The following ZNF341 variants were observed in gnomAD, a reference collection of about 807,000 sequenced individuals.
ZNF341 encodes the protein zinc finger protein 341.
Under a neutral mutation model 87.7 loss-of-function variants are expected in ZNF341, and 52 were observed. The ratio of observed to expected loss-of-function variants is 0.59; its 90% CI spans 0.47 to 0.75. The LOEUF is 0.75. Among genes scored for constraint, ZNF341 ranks in the 30% least tolerant of loss-of-function variants. ZNF341 has a pLI of 0.00. For missense variants in ZNF341, 977 were observed against 1,145.9 expected (o/e 0.85, Z 2.13); for synonymous variants, 459 against 472.7 (o/e 0.97, Z 0.38).
intron 7 of ZNF341, among the ~76,000 whole-genome samples, chr20:33,761,316 G>A (rs2019284958): frequency 1.3e-5 from 2 of 152,146 alleles, no homozygotes; most frequent in African/African-American, 4.8e-5. Flanking sequence ...CCAGGCTGGA[G>A]TGCAGTGGCG....
intron 4 of ZNF341, among the ~76,000 whole-genome samples, chr20:33,749,533 G>T (rs1743440319): frequency 1.3e-5 from 2 of 152,076 alleles, no homozygotes; most frequent in African/African-American, 4.8e-5. Flanking sequence ...TTGACCTCAA[G>T]TGAGCCCCCC....
rs763175963 is a variant in ZNF341 at position 33,766,835 on chromosome 20, C to T, written c.1223-16C>T. 1.9e-6 allele frequency: 3 copies of T among 1,590,038 alleles called. No homozygotes were observed. The highest frequency in any genetic ancestry group is 1.1e-5 in the South Asian group (1 of 88,786). On this transcript the variant is annotated splice_polypyrimidine_tract_variant and intron_variant, in intron 8 of 14. Transcript: ENST00000375200. ...GGGCCGGCTCCTTGTCCTGACTTCC[C>T]TGGCTTTCTCCACAGGGTTGGGCCA...
rs1351129318 is a variant in ZNF341, at chr20:33,747,627, A to AC, written c.340-1296_340-1295insC. Among the ~76,000 whole-genome samples the AC allele has an allele frequency of 6.6e-4, 88 of 132,832 alleles. 5 individuals are homozygous for AC. Among genetic ancestry groups the AC allele is most frequent in the Non-Finnish European group, 1.1e-3 (75 of 66,942 alleles). The allele number at this position is 132,832 out of a possible 152,430, so 87.1% of individuals were successfully genotyped here. On this transcript the variant is annotated intron_variant, in intron 3 of 14. Coordinates refer to ENST00000375200, the MANE Select transcript of ZNF341 (RefSeq NM_001282933.2). ...GAGACTCCGTCTCAAAAAAAAAAAA[A>AC]AAAAAAAAAAAAAAACACAGTCATT...
At chr20:33,772,370 G>T (rs980687863) in intron 10 of ZNF341, among the ~76,000 whole-genome samples, 1 of 152,074 alleles carries the variant, frequency 6.6e-6, no homozygotes, top group East Asian at 1.9e-4. Context: ...GTACAAACTT[G>T]TACCTGCAGA....
intron 4 of ZNF341, chr20:33,752,421 C>T: frequency 1.6e-6 from 1 of 620,426 alleles, no homozygotes; most frequent in Non-Finnish European, 3.1e-6. Context: ...GCCTGAGGAG[C>T]ACGCTTCTTG....
intron 8 of ZNF341, among the ~76,000 whole-genome samples, chr20:33,762,692 AGCCCCCC>A (rs1363148227): frequency 6.6e-6 from 1 of 151,888 alleles, no homozygotes; most frequent in African/African-American, 2.4e-5. Context: ...CCTTGTCCCC[AGCCCCCC>A]GACAGGCCCT....
intron 2 of ZNF341, 74 bp from the exon 3 acceptor site, chr20:33,745,029 A>C: frequency 7.1e-7 from 1 of 1,401,264 alleles, no homozygotes; most frequent in Non-Finnish European, 9.9e-7. Flanking sequence ...GCCCCTTGAC[A>C]TAGTCTTGCT....
intron 2 of ZNF341, among the ~76,000 whole-genome samples, chr20:33,742,682 C>T (rs1435334678): frequency 6.6e-6 from 1 of 151,356 alleles, no homozygotes; most frequent in African/African-American, 2.4e-5. Context: ...CCAGGCTGGT[C>T]TTGAACTCCT....
chr20:33,784,989 A>G (rs1465827793), intron 12 of ZNF341, among the ~76,000 whole-genome samples: 1 of 152,142 alleles, frequency 6.6e-6, no homozygotes, highest in Non-Finnish European at 1.5e-5. Flanking sequence ...CTCAAACCTG[A>G]ACAAAACGCC....
At chr20:33,770,330 G>C in intron 10 of ZNF341, 38 bp downstream of exon 10, 1 of 1,468,376 alleles carries the variant, frequency 6.8e-7, no homozygotes, top group Non-Finnish European at 9.5e-7. Flanking sequence ...GGGTGGACGG[G>C]TGGGTGGGCA....
chr20:33,761,721 A>G, intron 7 of ZNF341, 141 bp from the exon 8 acceptor site: 1 of 657,292 alleles, frequency 1.5e-6, no homozygotes, highest in Non-Finnish European at 2.4e-6. Context: ...GCCTCAGCGA[A>G]GGGGCTTGTC....
intron 4 of ZNF341, among the ~76,000 whole-genome samples, chr20:33,750,129 A>G (rs974991175): frequency 2.0e-5 from 3 of 152,152 alleles, no homozygotes; most frequent in Admixed American, 2.0e-4. Context: ...TTTAAAAAAA[A>G]AATTTTTGTA....
At chr20:33,753,132 G>C (rs780966710) in intron 4 of ZNF341, 40 bp from the exon 5 acceptor site, 3 of 1,610,984 alleles carry the variant, frequency 1.9e-6, no homozygotes, top group Non-Finnish European at 2.5e-6. Context: ...AAGACAACTG[G>C]TATCAAGAGG....
At chr20:33,737,965 C>T (rs1290434656) in intron 1 of ZNF341, among the ~76,000 whole-genome samples, 2 of 151,764 alleles carry the variant, frequency 1.3e-5, no homozygotes, top group African/African-American at 4.8e-5. Context: ...TGGAGAAACC[C>T]TGTCATTACT....
chr20:33,768,424 G>A (rs1200307487), intron 9 of ZNF341, among the ~76,000 whole-genome samples: 1 of 150,934 alleles, frequency 6.6e-6, no homozygotes, highest in African/African-American at 2.4e-5. Context: ...CGCCCAGCCC[G>A]TGTTTTTGTT....
intron 2 of ZNF341, among the ~76,000 whole-genome samples, chr20:33,744,002 G>T (rs898587472): frequency 2.0e-5 from 3 of 152,244 alleles, no homozygotes; most frequent in Middle Eastern, 3.4e-3. Context: ...TCCTGGAGAG[G>T]TCGGTGCAGT....
At position 33,790,941 on chromosome 20, in the gene ZNF341, G is replaced by A. The variant is rs528588545; in HGVS notation, c.2036-47G>A. ...TATTCCCAGCGCAGGGCACTGTTGC[G>A]GGGTGAAGGTCTGGATGCTTCTCAC... is the stretch of plus-strand genomic sequence containing the variant. On this transcript the variant is annotated intron_variant, in intron 14 of 14. Coordinates refer to ENST00000375200, the MANE Select transcript of ZNF341 (RefSeq NM_001282933.2). 73 of 1,566,804 alleles carry A rather than the reference G, an allele frequency of 4.7e-5. No individual in the cohort carries two copies. The East Asian group carries it at 1.1e-3, about 23-fold the overall frequency.
chr20:33,758,677 C>A (rs748015030), intron 6 of ZNF341, 39 bp from the exon 7 acceptor site: 8 of 1,561,786 alleles, frequency 5.1e-6, no homozygotes, highest in Middle Eastern at 1.7e-4. Flanking sequence ...TGAGCTGCAC[C>A]CCCAGCCTCA....
At chr20:33,752,414 T>C (rs978959122) in intron 4 of ZNF341, 2 of 622,382 alleles carry the variant, frequency 3.2e-6, no homozygotes, top group African/African-American at 1.8e-5. Flanking sequence ...TTTGAGTGCC[T>C]GAGGAGCACG....
Sources: allele counts gnomAD v4.1 joint callset (sites outside exome capture counted in the v4.1 genomes callset), GRCh38; gene constraint gnomAD v4.1.1; transcripts MANE v1.5; gene names NCBI Gene and HGNC (gene_info 2026-07-23, HGNC 2026-07-21).